Variants in AMPD3 observed in about 807,000 individuals in gnomAD.
AMPD3 encodes adenosine monophosphate deaminase 3.
In AMPD3, 57 loss-of-function variants were observed where a neutral mutation model predicts 82.3. The observed-to-expected ratio is 0.69, with a 90% CI of 0.56 to 0.86. AMPD3 has a LOEUF of 0.86. Among genes scored for constraint, AMPD3 ranks in the 40% least tolerant of loss-of-function variants. AMPD3 has a pLI of 0.00. For synonymous variants in AMPD3, 381 were observed against 394.7 expected (o/e 0.97, Z 0.41); for missense variants, 870 against 1,003.8 (o/e 0.87, Z 1.80).
At chr11:10,465,819 G>GTTTTT (rs61540424) in intron 2 of AMPD3, among the ~76,000 whole-genome samples, 4 of 132,132 alleles carry the variant, frequency 3.0e-5, no homozygotes, top group Non-Finnish European at 3.2e-5. Flanking sequence ...AGCTGCAGGA[G>GTTTTT]TTTTTTTTTT....
chr11:10,484,448 C>G (rs1849004101), intron 4 of AMPD3: 1 of 985,186 alleles, frequency 1.0e-6, no homozygotes, highest in South Asian at 4.7e-5. Context: ...TTTAATATTC[C>G]TGGAATCTCT....
chr11:10,496,139 A>G, intron 9 of AMPD3: 3 of 765,968 alleles, frequency 3.9e-6, no homozygotes, highest in Non-Finnish European at 4.8e-6. Flanking sequence ...CTGGTCTTGA[A>G]CTCCTGACCT....
At chr11:10,502,338 T>A (rs1849602683) in intron 12 of AMPD3, 3 of 985,398 alleles carry the variant, frequency 3.0e-6, no homozygotes, top group South Asian at 9.4e-5. Flanking sequence ...CTGTTTGCAG[T>A]CAAAGCAATA....
At chr11:10,488,638 G>C (rs949907089) in intron 6 of AMPD3, among the ~76,000 whole-genome samples, 32 of 152,158 alleles carry the variant, frequency 2.1e-4, no homozygotes, top group Admixed American at 1.4e-3. Flanking sequence ...CAGAAGGCAG[G>C]GAGGTGGGCC....
At chr11:10,472,234 G>A (rs948995017) in intron 2 of AMPD3, among the ~76,000 whole-genome samples, 2 of 151,890 alleles carry the variant, frequency 1.3e-5, no homozygotes, top group African/African-American at 2.4e-5. Flanking sequence ...ATAAGTAGGA[G>A]TTGAACAATG....
chr11:10,473,584 C>T (rs945318459), intron 2 of AMPD3: 108 of 985,358 alleles, frequency 1.1e-4, no homozygotes, highest in Admixed American at 5.5e-4. Context: ...AAAGTTACAC[C>T]CACCTGGCCA....
intron 11 of AMPD3, 98 bp downstream of exon 11, chr11:10,500,347 C>A (rs760293905): frequency 3.4e-6 from 5 of 1,478,290 alleles, no homozygotes; most frequent in Middle Eastern, 3.7e-4. Context: ...TCCTTGTGTC[C>A]GTGTGCACCT....
intron 14 of AMPD3, 151 bp downstream of exon 14, chr11:10,504,810 C>T: frequency 1.3e-6 from 1 of 796,010 alleles, no homozygotes; most frequent in Non-Finnish European, 2.1e-6. Context: ...CGGCAGCCTC[C>T]TGTGTTTTCA....
chr11:10,487,032 T>C, intron 5 of AMPD3: 1 of 980,958 alleles, frequency 1.0e-6, no homozygotes, highest in South Asian at 4.7e-5. Context: ...CTGCCCCATC[T>C]CCTGACTCTC....
At chr11:10,459,028 C>T (rs1424705069) in intron 1 of AMPD3, among the ~76,000 whole-genome samples, 1 of 152,056 alleles carries the variant, frequency 6.6e-6, no homozygotes. Flanking sequence ...CTTTCTCTCC[C>T]CTGTCACCTC....
At position 10,481,904 on chromosome 11, in the gene AMPD3, GC is replaced by G. The variant is rs1045048527; in HGVS notation, c.427-158del. 5 of 835,382 alleles carry G rather than the reference GC, an allele frequency of 6.0e-6. No homozygotes were observed. In the Admixed American group the frequency reaches 9.0e-5, roughly 15 times the overall value. 51.7% of individuals were successfully genotyped at this position (835,382 alleles called of 1,614,324 possible). A position where few individuals can be genotyped will look rare whatever the true frequency, so the allele number is the denominator to read the frequency against. On this transcript the variant is annotated intron_variant, in intron 3 of 14. Coordinates refer to ENST00000396553, the MANE Select transcript of AMPD3 (RefSeq NM_001025389.2). ...TATTGTTTGTACAAGTAGTTTAGGT[GC>G]AATGAACCACTCTTATTGGTCAAGG...
intron 5 of AMPD3, 81 bp from the exon 6 acceptor site, chr11:10,487,154 G>A: frequency 6.2e-7 from 1 of 1,603,252 alleles, no homozygotes; most frequent in Non-Finnish European, 8.5e-7. Flanking sequence ...GCCAGGGTTG[G>A]CCCCTGCAGA....
intron 9 of AMPD3, chr11:10,496,471 CAG>C (rs1564855100): frequency 1.2e-5 from 12 of 985,286 alleles, no homozygotes; most frequent in Non-Finnish European, 1.4e-5. Context: ...TTTAGGGAAA[CAG>C]AGCTGAGTAA....
chr11:10,493,513 C>A lies in AMPD3; in HGVS notation c.1104C>A (p.Asp368Glu). The A allele has an allele frequency of 1.9e-6, 3 of 1,614,210 alleles. No individual in the cohort carries two copies. The highest frequency in any genetic ancestry group is 1.7e-6 in the Non-Finnish European group (2 of 1,180,042). ...VFDGLHMDPY[D>E]LTVDSLDVHA... Reference sequence around the variant, plus strand: ...ACGGCCTGCACATGGACCCCTACGACCTCACTGTGGACTCACTGGATGTCC... The same window carrying A: ...ACGGCCTGCACATGGACCCCTACGAACTCACTGTGGACTCACTGGATGTCC... The change falls in exon 7 of 15, where the codon GAC becomes GAA. Residue 368 changes from aspartate (D) to glutamate (E), a missense_variant. Transcript: ENST00000396553.
chr11:10,503,589 A>G (rs925897263), intron 13 of AMPD3, among the ~76,000 whole-genome samples: 1 of 152,232 alleles, frequency 6.6e-6, no homozygotes, highest in Admixed American at 6.5e-5. Flanking sequence ...ACTGATATTT[A>G]CCATGTTAGA....
chr11:10,486,897 T>A, intron 5 of AMPD3: 4 of 985,440 alleles, frequency 4.1e-6, no homozygotes, highest in Non-Finnish European at 4.8e-6. Flanking sequence ...AGTTTAACCC[T>A]TACTTCAGCC....
At chr11:10,495,127 C>T (rs987686743) in intron 8 of AMPD3, 97 bp downstream of exon 8, 1 of 1,610,512 alleles carries the variant, frequency 6.2e-7, no homozygotes, top group Admixed American at 1.7e-5. Context: ...CCCTTCCCCT[C>T]CCTCTGTGTA....
intron 2 of AMPD3, among the ~76,000 whole-genome samples, chr11:10,470,308 C>T (rs1328788067): frequency 2.6e-5 from 4 of 152,090 alleles, no homozygotes; most frequent in African/African-American, 7.2e-5. Context: ...ATTGATGGAA[C>T]GTATCTCAAA....
chr11:10,451,900 T>C (rs772480833), upstream of AMPD3, among the ~76,000 whole-genome samples: 1 of 152,198 alleles, frequency 6.6e-6, no homozygotes, highest in Non-Finnish European at 1.5e-5. Context: ...AGTGGAGCCA[T>C]TGAGCCAGAC....
Sources: gnomAD v4.1 joint callset for allele counts (sites outside exome capture counted in the v4.1 genomes callset) on GRCh38, gnomAD v4.1.1 for gene constraint, MANE v1.5 for transcripts, NCBI Gene and HGNC (gene_info 2026-07-23, HGNC 2026-07-21) for gene names.